The following FOXK1 variants were observed in gnomAD, a reference collection of about 807,000 sequenced individuals.
FOXK1 encodes the protein forkhead box protein K1.
A neutral mutation model predicts 51.9 loss-of-function variants in FOXK1; 19 were observed. The ratio of observed to expected loss-of-function variants is 0.37; its 90% CI spans 0.26 to 0.54. FOXK1 has a LOEUF of 0.54. Ranked by LOEUF, FOXK1 falls within the 20% of genes least tolerant of loss-of-function variation. FOXK1 has a pLI of 0.87. For missense variants in FOXK1, 870 were observed against 1,032.7 expected (o/e 0.84, Z 2.16); for synonymous variants, 537 against 482.6 (o/e 1.11, Z -1.48).
chr7:4,699,429 C>G (rs6975390), intron 1 of FOXK1, among the ~76,000 whole-genome samples: 10,273 of 150,954 alleles, frequency 0.068, 1,067 homozygotes, highest in African/African-American at 0.23. Flanking sequence ...AGTGCAGTGA[C>G]ACGATCTCGG....
At chr7:4,705,551 C>CTG (rs1213097210) in intron 1 of FOXK1, among the ~76,000 whole-genome samples, 2 of 150,310 alleles carry the variant, frequency 1.3e-5, no homozygotes, top group Non-Finnish European at 3.0e-5. Context: ...CTCTCTCTCT[C>CTG]TCTCTCTCGC....
intron 1 of FOXK1, among the ~76,000 whole-genome samples, chr7:4,686,117 C>G (rs1779814781): frequency 6.6e-6 from 1 of 152,192 alleles, no homozygotes; most frequent in African/African-American, 2.4e-5. Context: ...TCTGTTTTCT[C>G]TCCGGCTTTG....
In FOXK1 at chr7:4,768,118, C is replaced by CTTAT. The variant is rs1781041403; in HGVS notation, c.*5656_*5657insATTT. 1 of 113,332 alleles carries CTTAT rather than the reference C, an allele frequency of 8.8e-6. No homozygotes were observed. Among genetic ancestry groups the CTTAT allele is most frequent in the East Asian group, 2.7e-4 (1 of 3,682 alleles). The allele number at this position is 113,332 out of a possible 1,614,324, so 7.0% of individuals were successfully genotyped here. ...TTTAAAAACAGACCCATTTCACTGACTTCTTTTTTTTTTTTTTTTTTTTTT... is the reference window on the plus strand; with the variant it reads ...TTTAAAAACAGACCCATTTCACTGACTTATTTCTTTTTTTTTTTTTTTTTTTTTT... On this transcript the variant is annotated 3_prime_UTR_variant, in exon 9 of 9. Coordinates refer to ENST00000328914, the MANE Select transcript of FOXK1 (RefSeq NM_001037165.2).
At chr7:4,721,596 T>C (rs577888682) in intron 1 of FOXK1, among the ~76,000 whole-genome samples, 4 of 143,834 alleles carry the variant, frequency 2.8e-5, no homozygotes, top group East Asian at 2.3e-4. Flanking sequence ...TTTCTTTTTT[T>C]TTTTTTTTTT....
At chr7:4,706,030 A>ACACG (rs1780095682) in intron 1 of FOXK1, among the ~76,000 whole-genome samples, 2 of 107,284 alleles carry the variant, frequency 1.9e-5, no homozygotes, top group African/African-American at 1.4e-4. Context: ...ATACGTGTAT[A>ACACG]TACGTGTATA....
rs569432217 is a variant in FOXK1 at position 4,683,372 on chromosome 7, A to G, written c.560+504A>G. Among the ~76,000 whole-genome samples the G allele has an allele frequency of 1.7e-4, 26 of 150,756 alleles. No homozygotes were observed. The highest frequency in any genetic ancestry group is 6.1e-4 in the African/African-American group (25 of 40,916). ...CTGGCCTGGATCCCTGGGGTCATCT[A>G]CGTCCCTACCCTGCCTAAACACGCA... On this transcript the variant is annotated intron_variant, in intron 1 of 8. Transcript: ENST00000328914. This position sits in a 1 kb window ranked among gnomAD's most constrained non-coding sequence, Gnocchi z 4.5.
intron 1 of FOXK1, among the ~76,000 whole-genome samples, chr7:4,708,075 T>TGGAA (rs202062440): frequency 0.012 from 1,749 of 151,976 alleles, 23 homozygotes; most frequent in African/African-American, 0.038. Context: ...GGGAGTGAAC[T>TGGAA]GGAAGGATGA....
chr7:4,738,351 C>T (rs1425386741), intron 1 of FOXK1, among the ~76,000 whole-genome samples: 2 of 151,346 alleles, frequency 1.3e-5, no homozygotes, highest in Non-Finnish European at 2.9e-5. Flanking sequence ...GCAGCAGAAT[C>T]GCTTGAACCC....
chr7:4,689,026 G>A (rs1254835956), intron 1 of FOXK1, among the ~76,000 whole-genome samples: 1 of 151,294 alleles, frequency 6.6e-6, no homozygotes, highest in African/African-American at 2.4e-5. Flanking sequence ...ACCCAGGCTG[G>A]AGTGCAGTGG....
chr7:4,742,887 C>T (rs1467319327), intron 2 of FOXK1, among the ~76,000 whole-genome samples: 1 of 152,230 alleles, frequency 6.6e-6, no homozygotes, highest in Non-Finnish European at 1.5e-5. Context: ...TGGAGTAGGT[C>T]TCCTTTTTTC....
chr7:4,765,124 A>T lies in FOXK1; in HGVS notation c.*2660A>T, dbSNP rs1202727999. Reference sequence around the variant, plus strand: ...GGTCGGCTCAGACTCGGAGCAGGGCAGGGAGAGGAGGGCAAGGAGAGGAGG... The same window carrying T: ...GGTCGGCTCAGACTCGGAGCAGGGCTGGGAGAGGAGGGCAAGGAGAGGAGG... On this transcript the variant is annotated 3_prime_UTR_variant, in exon 9 of 9. Coordinates refer to ENST00000328914, the MANE Select transcript of FOXK1 (RefSeq NM_001037165.2). 6.5e-6 allele frequency: 1 copy of T among 154,122 alleles called. No individual in the cohort carries two copies. Among genetic ancestry groups the T allele is most frequent in the Non-Finnish European group, 1.4e-5 (1 of 69,430 alleles). The allele number at this position is 154,122 out of a possible 1,614,324, so 9.5% of individuals were successfully genotyped here. A position where few individuals can be genotyped will look rare whatever the true frequency, so the allele number is the denominator to read the frequency against.
Position 4,729,932 on chromosome 7 carries a change from G to A in FOXK1, c.561-10906G>A, listed in dbSNP as rs1249924731. On this transcript the variant is annotated intron_variant, in intron 1 of 8. Coordinates refer to ENST00000328914, the MANE Select transcript of FOXK1 (RefSeq NM_001037165.2). This position sits in a 1 kb window ranked among gnomAD's most constrained non-coding sequence, Gnocchi z 6.2. ...TTGAACCCGGAAGGTGGAGTTTGCA[G>A]TGAGCTGAGATCCAGCCACTGCCCT... Among the ~76,000 whole-genome samples the A allele has an allele frequency of 6.6e-6, 1 of 152,174 alleles. No homozygotes were observed. The highest frequency in any genetic ancestry group is 1.9e-4 in the East Asian group (1 of 5,194).
chr7:4,737,076 A>G (rs1464780979), intron 1 of FOXK1, among the ~76,000 whole-genome samples: 1 of 151,112 alleles, frequency 6.6e-6, no homozygotes, highest in Non-Finnish European at 1.5e-5. Context: ...TGCGTGTGCA[A>G]ATGTCTTACG....
chr7:4,689,392 T>C (rs535617178), intron 1 of FOXK1, among the ~76,000 whole-genome samples: 97 of 152,204 alleles, frequency 6.4e-4, no homozygotes, highest in Non-Finnish European at 1.3e-3. Flanking sequence ...GATCACAGCC[T>C]CTGCATATGT....
intron 1 of FOXK1, among the ~76,000 whole-genome samples, chr7:4,714,557 G>T (rs538221078): frequency 7.2e-5 from 11 of 152,338 alleles, no homozygotes; most frequent in African/African-American, 2.6e-4. Flanking sequence ...TTACGGGCGT[G>T]AGCCACCAGC....
At position 4,762,232 on chromosome 7, in the gene FOXK1, C is replaced by T. The variant is rs201914134; in HGVS notation, c.1970C>T (p.Ala657Val). The part of the protein sequence containing the change: ...QLLATQASSS[A>V]PVVVTRVCEV... Reference sequence around the variant, plus strand: ...CTTGCGACCCAAGCGAGTTCATCCGCGCCGGTGGTGGTCACCCGGGTGTGC... The same window carrying T: ...CTTGCGACCCAAGCGAGTTCATCCGTGCCGGTGGTGGTCACCCGGGTGTGC... Residue 657 changes from alanine to valine, a missense_variant, in exon 9 of 9, where the codon GCG (alanine) becomes GTG (valine). This residue lies in a region of FOXK1 where 457 missense variants were observed against 510.8 expected (regional missense o/e 0.89). Coordinates refer to ENST00000328914, the MANE Select transcript of FOXK1 (RefSeq NM_001037165.2). The surrounding 1 kb of genome is among the most constrained non-coding windows in gnomAD (Gnocchi z 5.7). 1.3e-4 allele frequency: 196 copies of T among 1,554,468 alleles called. No individual in the cohort carries two copies. The highest frequency in any genetic ancestry group is 7.9e-4 in the African/African-American group (58 of 73,094).
At position 4,716,958 on chromosome 7, in the gene FOXK1, G is replaced by A. The variant is rs146889716; in HGVS notation, c.561-23880G>A. Among the ~76,000 whole-genome samples the A allele has an allele frequency of 1.2e-3, 180 of 152,088 alleles. 1 individual carries two copies. The highest frequency in any genetic ancestry group is 0.01 in the Middle Eastern group (3 of 294). ...AGTTGTACGTGGTGGGAGGCGCATG[G>A]CTGGGAGGCGTGTGGCTGGGAGGTG... On this transcript the variant is annotated intron_variant, in intron 1 of 8. Coordinates refer to ENST00000328914, the MANE Select transcript of FOXK1 (RefSeq NM_001037165.2).
Position 4,758,974 on chromosome 7 carries a change from G to C in FOXK1, c.1245-77G>C, listed in dbSNP as rs1583212543. On this transcript the variant is annotated intron_variant, in intron 5 of 8. Coordinates refer to ENST00000328914, the MANE Select transcript of FOXK1 (RefSeq NM_001037165.2). This position sits in a 1 kb window ranked among gnomAD's most constrained non-coding sequence, Gnocchi z 4.4. Reference sequence around the variant, plus strand: ...GAGCGTGGGCGGGTGACGGCGCTGAGATGCGTGATGTCTCGGAAACGTCCT... The same window carrying C: ...GAGCGTGGGCGGGTGACGGCGCTGACATGCGTGATGTCTCGGAAACGTCCT... 17 of 1,467,574 alleles carry C rather than the reference G, an allele frequency of 1.2e-5. No homozygotes were observed. In the East Asian group the frequency reaches 3.4e-4, roughly 30 times the overall value. The allele number at this position is 1,467,574 out of a possible 1,614,324, so 90.9% of individuals were successfully genotyped here.
intron 1 of FOXK1, among the ~76,000 whole-genome samples, chr7:4,691,155 C>T (rs1779886455): frequency 6.6e-6 from 1 of 152,180 alleles, no homozygotes; most frequent in African/African-American, 2.4e-5. Context: ...AACCAGGGTT[C>T]AAGAACTCGC....
Sources: gnomAD v4.1 joint callset for allele counts (sites outside exome capture counted in the v4.1 genomes callset) on GRCh38, gnomAD v4.1.1 for gene constraint, gnomAD v4.1.1 regional missense constraint, Gnocchi (gnomAD v3.1) non-coding constraint, MANE v1.5 for transcripts, NCBI Gene and HGNC (gene_info 2026-07-23, HGNC 2026-07-21) for gene names.